The following PGM3 variants were observed in gnomAD, a reference collection of about 807,000 sequenced individuals.
PGM3 encodes phosphoacetylglucosamine mutase.
PGM3 carries 40 observed loss-of-function variants against 66.2 expected under a neutral mutation model. The ratio of observed to expected loss-of-function variants is 0.60; its 90% CI spans 0.47 to 0.79. The LOEUF is 0.79. Among genes scored for constraint, PGM3 ranks in the 30% least tolerant of loss-of-function variants. PGM3 has a pLI of 0.00. For missense variants in PGM3, 537 were observed against 643.4 expected, an observed-to-expected ratio of 0.83 and a Z score of 1.79; for synonymous variants, 191 against 224.2, an observed-to-expected ratio of 0.85 and a Z score of 1.32.
chr6:83,151,697 C>G, the PGM3 span: 3 of 1,558,068 alleles, frequency 1.9e-6, no homozygotes, highest in Non-Finnish European at 2.6e-6. Context: ...AACTGTTTCT[C>G]AGTGCCCTCA....
rs756700318 is a variant in PGM3 at position 83,191,063 on chromosome 6, G to A, written c.-2-49C>T. 26 of 1,567,956 alleles carry A rather than the reference G, an allele frequency of 1.7e-5. 1 individual carries two copies. The East Asian group carries it at 5.8e-4, about 35-fold the overall frequency. On this transcript the variant is annotated intron_variant, in intron 1 of 12. Coordinates refer to ENST00000513973, the MANE Select transcript of PGM3 (RefSeq NM_015599.3). ...TCGGGCATAACAAGTAATTTCTTAAGAACCATTTGCTTCAAAAACTGCCAC... is the reference window on the plus strand; with the variant it reads ...TCGGGCATAACAAGTAATTTCTTAAAAACCATTTGCTTCAAAAACTGCCAC...
downstream of PGM3, chr6:83,164,686 G>T: frequency 3.8e-6 from 6 of 1,588,384 alleles, no homozygotes; most frequent in South Asian, 6.9e-5. Context: ...TTAAGACAGT[G>T]ATTTTGGAGG....
chr6:83,155,826 TCAAGTTTTGTACCC>T, the PGM3 span: 1 of 1,141,006 alleles, frequency 8.8e-7, no homozygotes, highest in South Asian at 1.7e-5. Context: ...GAGAGGGGCA[TCAAGTTTTGTACCC>T]CAAGCTCCTC....
At chr6:83,177,695 A>T (rs1369484951) in intron 8 of PGM3, among the ~76,000 whole-genome samples, 1 of 152,180 alleles carries the variant, frequency 6.6e-6, no homozygotes, top group Admixed American at 6.5e-5. Flanking sequence ...CATGTCTTCC[A>T]ATAGCCCGAT....
intron 9 of PGM3, among the ~76,000 whole-genome samples, chr6:83,174,965 T>C (rs1787645379): frequency 6.6e-6 from 1 of 152,230 alleles, no homozygotes; most frequent in Non-Finnish European, 1.5e-5. Context: ...AATAATGTCA[T>C]GGATAGTCAT....
Position 83,180,004 on chromosome 6 carries a change from A to G in PGM3, c.788-37T>C, listed in dbSNP as rs773329784. On this transcript the variant is annotated intron_variant, in intron 6 of 12. Transcript: ENST00000513973. ...GATAATTTAACATGCATTTCAGTCT[A>G]AGAATTTATTATAAAGAGTTTTAGA... is the stretch of plus-strand genomic sequence containing the variant. The G allele has an allele frequency of 2.0e-6, 3 of 1,498,876 alleles. No individual in the cohort carries two copies. In the South Asian group the frequency reaches 3.8e-5, roughly 19 times the overall value. 92.8% of individuals were successfully genotyped at this position (1,498,876 alleles called of 1,614,324 possible).
chr6:83,169,204 T>A lies in PGM3; in HGVS notation c.*30A>T. 2 of 1,612,942 alleles carry A rather than the reference T, an allele frequency of 1.2e-6. No homozygotes were observed. Among genetic ancestry groups the A allele is most frequent in the Non-Finnish European group, 1.7e-6 (2 of 1,179,422 alleles). ...CAGTTTTGTAAAGACTTGTAAAAAG[T>A]CCAGTTTCTCAGGAATATGAAAATT... On this transcript the variant is annotated 3_prime_UTR_variant, in exon 13 of 13. Transcript: ENST00000513973.
downstream of PGM3, among the ~76,000 whole-genome samples, chr6:83,156,506 G>A (rs554269115): frequency 2.0e-5 from 3 of 152,310 alleles, no homozygotes; most frequent in South Asian, 6.2e-4. Flanking sequence ...GTAATTTGGG[G>A]ACTGCATGGG....
downstream of PGM3, among the ~76,000 whole-genome samples, chr6:83,162,406 T>A (rs1314990884): frequency 6.6e-6 from 1 of 152,184 alleles, no homozygotes; most frequent in Non-Finnish European, 1.5e-5. Context: ...CAAGTCTTTG[T>A]CAGACTGTTA....
rs758775949 is a variant in PGM3, at chr6:83,172,018, T to C, written c.1284A>G (p.Ala428=). 6.2e-7 allele frequency: 1 copy of C among 1,613,856 alleles called. No homozygotes were observed. Among genetic ancestry groups the C allele is most frequent in the Non-Finnish European group, 8.5e-7 (1 of 1,179,734 alleles). The change falls in exon 11 of 13, where the codon GCA becomes GCG. Residue 428 remains alanine (A), a synonymous_variant. Transcript: ENST00000513973. ...CAGTCAAGCCCTTCAGAGCCAAGAT[T>C]GCTTCAATCACCAGCATGTCAGAAA... is the stretch of plus-strand genomic sequence containing the variant. ...DAISDMLVIE[A]ILALKGLTVQ...
chr6:83,169,174 A>T lies in PGM3; in HGVS notation c.*60T>A. 6.2e-7 allele frequency: 1 copy of T among 1,600,458 alleles called. No homozygotes were observed. Among genetic ancestry groups the T allele is most frequent in the Non-Finnish European group, 8.5e-7 (1 of 1,172,258 alleles). ...TAAATCTCTTAGTACTGCCATTATT[A>T]TTGACAGTTTTGTAAAGACTTGTAA... On this transcript the variant is annotated 3_prime_UTR_variant, in exon 13 of 13. Coordinates refer to ENST00000513973, the MANE Select transcript of PGM3 (RefSeq NM_015599.3).
rs571886884 is a variant in PGM3 at position 83,165,621 on chromosome 6, G to A, written c.*3613C>T. On this transcript the variant is annotated 3_prime_UTR_variant, in exon 13 of 13. Coordinates refer to ENST00000513973, the MANE Select transcript of PGM3 (RefSeq NM_015599.3). ...GACGAACTCTTGGAAAGCATTTTCTGTGTCCTGCTAGTTGTGGAAGCAATT... is the reference window on the plus strand; with the variant it reads ...GACGAACTCTTGGAAAGCATTTTCTATGTCCTGCTAGTTGTGGAAGCAATT... The A allele has an allele frequency of 4.4e-5, 8 of 182,654 alleles. No homozygotes were observed. The South Asian group carries it at 6.9e-4, about 16-fold the overall frequency. 11.3% of individuals were successfully genotyped at this position (182,654 alleles called of 1,614,324 possible).
Position 83,166,866 on chromosome 6 carries a change from AT to A in PGM3, c.*2367del. ...CTTAGAAGGCAAACTCCATTTGTTA[AT>A]ATGACAGATTGTAATTCTGCTTCCT... On this transcript the variant is annotated 3_prime_UTR_variant, in exon 13 of 13. Transcript: ENST00000513973. 1 of 995,194 alleles carries A rather than the reference AT, an allele frequency of 1.0e-6. No homozygotes were observed. The highest frequency in any genetic ancestry group is 4.6e-5 in the South Asian group (1 of 21,860). 61.6% of individuals were successfully genotyped at this position (995,194 alleles called of 1,614,324 possible). A position where few individuals can be genotyped will look rare whatever the true frequency, so the allele number is the denominator to read the frequency against.
chr6:83,151,916 G>A, the PGM3 span: 3 of 1,613,506 alleles, frequency 1.9e-6, no homozygotes, highest in South Asian at 2.2e-5. Context: ...TGCAATTGGT[G>A]CAATTGCTGG....
chr6:83,156,799 GAT>G (rs1369100329), downstream of PGM3, among the ~76,000 whole-genome samples: 1 of 152,174 alleles, frequency 6.6e-6, no homozygotes, highest in Admixed American at 6.5e-5. Context: ...CCTAATTTCA[GAT>G]ATGCAAAATG....
intron 10 of PGM3, 102 bp from the exon 11 acceptor site, chr6:83,172,161 C>CTGTACTG: frequency 8.5e-7 from 1 of 1,170,276 alleles, no homozygotes; most frequent in Non-Finnish European, 1.2e-6. Context: ...GTTGAACAAC[C>CTGTACTG]TGAATCTGAA....
chr6:83,172,897 G>C (rs185924372), intron 10 of PGM3, among the ~76,000 whole-genome samples: 2 of 152,330 alleles, frequency 1.3e-5, no homozygotes, highest in Admixed American at 1.3e-4. Context: ...AGGAATGATG[G>C]TGATGCCAGA....
chr6:83,191,958 C>CAAAAAAAAAAAAA lies in PGM3; in HGVS notation c.-2-957_-2-945dup, dbSNP rs1219337174. Among the ~76,000 whole-genome samples, 218 of 39,352 alleles carry CAAAAAAAAAAAAA rather than the reference C, an allele frequency of 5.5e-3. 10 individuals carry two copies. Among genetic ancestry groups the CAAAAAAAAAAAAA allele is most frequent in the Non-Finnish European group, 6.7e-3 (145 of 21,514 alleles). 25.8% of individuals were successfully genotyped at this position (39,352 alleles called of 152,430 possible). ...TGGGTGACAAAGGGAGACTCGGTCTCAAAAAAAAAAAAAAAAAAAAAAAAC... is the reference window on the plus strand; with the variant it reads ...TGGGTGACAAAGGGAGACTCGGTCTCAAAAAAAAAAAAAAAAAAAAAAAAAAAAAAAAAAAAAC... On this transcript the variant is annotated intron_variant, in intron 1 of 12. Coordinates refer to ENST00000513973, the MANE Select transcript of PGM3 (RefSeq NM_015599.3).
the PGM3 span, among the ~76,000 whole-genome samples, chr6:83,149,183 G>C: frequency 6.6e-6 from 1 of 152,140 alleles, no homozygotes; most frequent in Non-Finnish European, 1.5e-5. Flanking sequence ...TGGCTGAAGG[G>C]GAACTTCACA....
Sources: gnomAD v4.1 joint callset for allele counts (sites outside exome capture counted in the v4.1 genomes callset) on GRCh38, gnomAD v4.1.1 for gene constraint, MANE v1.5 for transcripts, NCBI Gene and HGNC (gene_info 2026-07-23, HGNC 2026-07-21) for gene names.